Variants in TICRR observed in about 807,000 individuals in gnomAD.
The protein encoded by TICRR is treslin.
A neutral mutation model predicts 178.1 loss-of-function variants in TICRR; 132 were observed. The ratio of observed to expected loss-of-function variants is 0.74; its 90% CI spans 0.64 to 0.86. The LOEUF (loss-of-function observed/expected upper bound fraction) is 0.86. Ranked by LOEUF, TICRR falls within the 40% of genes least tolerant of loss-of-function variation. The probability of loss-of-function intolerance (pLI) is 0.00; values close to 1 mark genes in which losing one functional copy is unlikely to be tolerated. For synonymous variants in TICRR, 991 were observed against 900.7 expected, an observed-to-expected ratio of 1.10 and a Z score of -1.79; for missense variants, 2,587 against 2,334.3, an observed-to-expected ratio of 1.11 and a Z score of -2.23.
chr15:89,578,818 A>G (rs970935623), intron 1 of TICRR, among the ~76,000 whole-genome samples: 1 of 152,038 alleles, frequency 6.6e-6, no homozygotes, highest in African/African-American at 2.4e-5. Context: ...CAGATACTCA[A>G]GTTTTTCTGG....
At chr15:89,595,824 C>T (rs1420492292) in intron 7 of TICRR, among the ~76,000 whole-genome samples, 2 of 152,004 alleles carry the variant, frequency 1.3e-5, no homozygotes, top group Non-Finnish European at 1.5e-5. Flanking sequence ...GATTGCACCA[C>T]TGCACTCCAG....
At chr15:89,590,054 GA>G (rs2141957400) in intron 4 of TICRR, among the ~76,000 whole-genome samples, 1 of 152,270 alleles carries the variant, frequency 6.6e-6, no homozygotes, top group East Asian at 1.9e-4. Flanking sequence ...TCCTTTAAAA[GA>G]AAGGTGAAGA....
At chr15:89,615,169 T>C (rs1181185649) in intron 15 of TICRR, among the ~76,000 whole-genome samples, 1 of 152,208 alleles carries the variant, frequency 6.6e-6, no homozygotes, top group Non-Finnish European at 1.5e-5. Context: ...CATTTAACAA[T>C]TGCTGCTGAT....
At chr15:89,578,675 G>A (rs1190736242) in intron 1 of TICRR, among the ~76,000 whole-genome samples, 1 of 147,968 alleles carries the variant, frequency 6.8e-6, no homozygotes, top group Non-Finnish European at 1.5e-5. Flanking sequence ...TTTTTGAATA[G>A]CATTGAAATA....
At chr15:89,607,683 G>A (rs554423189) in intron 14 of TICRR, among the ~76,000 whole-genome samples, 1 of 152,012 alleles carries the variant, frequency 6.6e-6, no homozygotes, top group Non-Finnish European at 1.5e-5. Context: ...GAACCTTTAT[G>A]TCATTGATGG....
chr15:89,603,943 CTG>C (rs1963135921), intron 13 of TICRR, among the ~76,000 whole-genome samples: 1 of 151,930 alleles, frequency 6.6e-6, no homozygotes, highest in African/African-American at 2.4e-5. Context: ...CTATGGGAAA[CTG>C]AAACCATGGA....
At chr15:89,583,033 C>T in intron 2 of TICRR, 68 bp downstream of exon 2, 2 of 1,434,622 alleles carry the variant, frequency 1.4e-6, no homozygotes, top group Admixed American at 2.5e-5. Flanking sequence ...TTCAAAGAAG[C>T]TTTTAACTTC....
Position 89,601,939 on chromosome 15 carries a change from C to G in TICRR, c.2530C>G (p.Leu844Val). 6.2e-7 allele frequency: 1 copy of G among 1,614,124 alleles called. No individual in the cohort carries two copies. The highest frequency in any genetic ancestry group is 8.5e-7 in the Non-Finnish European group (1 of 1,180,018). The change falls in exon 12 of 22, where the codon CTG becomes GTG. Residue 844 changes from leucine (L) to valine (V), a missense_variant. Coordinates refer to ENST00000268138, the MANE Select transcript of TICRR (RefSeq NM_152259.4). ...SVSGSPESDELQELRTRSAKK... is the reference protein window; with the variant it reads ...SVSGSPESDEVQELRTRSAKK... ...GTCAGGCAGCCCTGAATCTGATGAA[C>G]TGCAGGAACTTCGTACCAGATCAGC...
chr15:89,611,487 G>T (rs1027569722), intron 15 of TICRR, among the ~76,000 whole-genome samples: 1 of 152,042 alleles, frequency 6.6e-6, no homozygotes, highest in African/African-American at 2.4e-5. Context: ...CTTGGAGTTC[G>T]TGGAACTTCT....
At chr15:89,606,941 TAATAA>T in intron 14 of TICRR, 116 bp downstream of exon 14, 1 of 761,316 alleles carries the variant, frequency 1.3e-6, no homozygotes, top group Non-Finnish European at 2.2e-6. Context: ...GATTGTTGGC[TAATAA>T]AATATGTCCA....
rs908013841 is a variant in TICRR at position 89,582,915 on chromosome 15, A to G, written c.884A>G (p.Tyr295Cys). ...LNRLLYNSPE[Y>C]EASFPRMEGM... ...CGTTTGCTCTACAATTCTCCTGAGTATGAGGCCTCGTTTCCACGAATGGAA... is the reference window on the plus strand; with the variant it reads ...CGTTTGCTCTACAATTCTCCTGAGTGTGAGGCCTCGTTTCCACGAATGGAA... The change falls in exon 2 of 22, where the codon TAT becomes TGT. Residue 295 changes from tyrosine (Y) to cysteine (C), a missense_variant. Coordinates refer to ENST00000268138, the MANE Select transcript of TICRR (RefSeq NM_152259.4). The G allele has an allele frequency of 1.2e-6, 2 of 1,613,542 alleles. No individual in the cohort carries two copies. The highest frequency in any genetic ancestry group is 1.7e-6 in the Non-Finnish European group (2 of 1,179,562).
rs774489115 is a variant in TICRR, at chr15:89,584,435, T to C, written c.1084T>C (p.Trp362Arg). Residue 362 changes from tryptophan (W) to arginine (R), a missense_variant, in exon 3 of 22, where the codon TGG (tryptophan) becomes CGG (arginine). Transcript: ENST00000268138. ...GAGCAGCACTTTGGGCACTGACAGCTGGATGCTAGGAAGTCCAGAGGAGAG... is the reference window on the plus strand; with the variant it reads ...GAGCAGCACTTTGGGCACTGACAGCCGGATGCTAGGAAGTCCAGAGGAGAG... ...PTSSTLGTDS[W>R]MLGSPEESTA... 1 of 1,614,062 alleles carries C rather than the reference T, an allele frequency of 6.2e-7. No homozygotes were observed. Among genetic ancestry groups the C allele is most frequent in the South Asian group, 1.1e-5 (1 of 91,074 alleles).
intron 1 of TICRR, among the ~76,000 whole-genome samples, chr15:89,578,954 G>A (rs1962674225): frequency 3.3e-5 from 5 of 152,166 alleles, no homozygotes; most frequent in Admixed American, 3.3e-4. Flanking sequence ...AAGGGAGGAA[G>A]AGAAAATCCA....
At chr15:89,585,155 T>TA (rs1344148450) in intron 3 of TICRR, among the ~76,000 whole-genome samples, 1 of 152,184 alleles carries the variant, frequency 6.6e-6, no homozygotes, top group Non-Finnish European at 1.5e-5. Flanking sequence ...TAGAGAAAAA[T>TA]ACGGTAGTCA....
chr15:89,594,284 T>A, intron 5 of TICRR, 131 bp from the exon 6 acceptor site: 1 of 697,082 alleles, frequency 1.4e-6, no homozygotes, highest in Non-Finnish European at 2.3e-6. Flanking sequence ...AGAAAATATA[T>A]TTTTGAAGGC....
chr15:89,576,853 A>G (rs1244668878), intron 1 of TICRR, among the ~76,000 whole-genome samples: 2 of 139,588 alleles, frequency 1.4e-5, no homozygotes, highest in East Asian at 2.0e-4. Flanking sequence ...ATATATATAT[A>G]TATATATACA....
chr15:89,606,044 A>G (rs1237850583), intron 13 of TICRR, among the ~76,000 whole-genome samples: 1 of 152,194 alleles, frequency 6.6e-6, no homozygotes, highest in Non-Finnish European at 1.5e-5. Flanking sequence ...TAAAACATAT[A>G]AAGTTAAAAG....
intron 15 of TICRR, among the ~76,000 whole-genome samples, chr15:89,615,004 C>T (rs928754803): frequency 6.6e-6 from 1 of 152,202 alleles, no homozygotes; most frequent in African/African-American, 2.4e-5. Context: ...TCGGCACATG[C>T]ACAGTGCTAC....
At chr15:89,581,644 G>T (rs192958039) in intron 1 of TICRR, among the ~76,000 whole-genome samples, 2 of 152,188 alleles carry the variant, frequency 1.3e-5, no homozygotes, top group African/African-American at 4.8e-5. Flanking sequence ...TAGAAGGAGT[G>T]GGGGTGGATG....
Sources: gnomAD v4.1 joint callset for allele counts (sites outside exome capture counted in the v4.1 genomes callset) on GRCh38, gnomAD v4.1.1 for gene constraint, MANE v1.5 for transcripts, NCBI Gene and HGNC (gene_info 2026-07-23, HGNC 2026-07-21) for gene names.